GRM5: variants seen among roughly 807,000 people sequenced by gnomAD.
The protein encoded by GRM5 is metabotropic glutamate receptor 5.
GRM5 carries 19 observed loss-of-function variants against 83.1 expected under a neutral mutation model. The ratio of observed to expected loss-of-function variants is 0.23; its 90% CI spans 0.16 to 0.34. GRM5 has a LOEUF of 0.34. Among genes scored for constraint, GRM5 ranks in the 10% least tolerant of loss-of-function variants. GRM5 has a pLI of 1.00. For synonymous variants in GRM5, 675 were observed against 633.6 expected (o/e 1.07, Z -0.98); for missense variants, 1,160 against 1,588.3 (o/e 0.73, Z 4.58).
chr11:88,714,177 A>T (rs949574991), intron 3 of GRM5, among the ~76,000 whole-genome samples: 13 of 152,006 alleles, frequency 8.6e-5, no homozygotes, highest in Non-Finnish European at 1.8e-4. Context: ...ACTTTTGGAG[A>T]AACTTAGAAG....
At chr11:88,559,936 G>T (rs1053993962) in intron 8 of GRM5, among the ~76,000 whole-genome samples, 15 of 152,104 alleles carry the variant, frequency 9.9e-5, no homozygotes, top group Admixed American at 7.9e-4. Flanking sequence ...AGTCTCAGAG[G>T]GCCAGGAGAG....
At chr11:88,889,025 G>A (rs978265981) in intron 2 of GRM5, among the ~76,000 whole-genome samples, 18 of 152,276 alleles carry the variant, frequency 1.2e-4, no homozygotes, top group Middle Eastern at 3.4e-3. Context: ...CAGTTTCTGG[G>A]TAATGGCCAC....
At chr11:88,872,313 T>C (rs1237145400) in intron 2 of GRM5, among the ~76,000 whole-genome samples, 1 of 151,508 alleles carries the variant, frequency 6.6e-6, no homozygotes, top group Non-Finnish European at 1.5e-5. Flanking sequence ...CATCTAAAAA[T>C]TATAATACAA....
intron 3 of GRM5, among the ~76,000 whole-genome samples, chr11:88,731,910 C>G (rs1390268878): frequency 1.3e-5 from 2 of 152,030 alleles, no homozygotes; most frequent in Non-Finnish European, 1.5e-5. Context: ...GTTCCAGCTG[C>G]AGGCTGAGCT....
At chr11:88,737,894 G>C (rs921270924) in intron 3 of GRM5, among the ~76,000 whole-genome samples, 1 of 152,014 alleles carries the variant, frequency 6.6e-6, no homozygotes, top group Non-Finnish European at 1.5e-5. Context: ...TATGAGAGCA[G>C]TTATACAATC....
In GRM5 at chr11:88,597,258, C is replaced by T; in HGVS notation, c.1489G>A (p.Asp497Asn). The stretch of plus-strand genomic sequence containing the variant: ...TTGCTTTTCTTGGACCATACTTCAT[C>T]ATCATCCATTTTTAATTCTCCATTG... ...WDNGELKMDD[D>N]EVWSKKSNII... The change falls in exon 6 of 10, where the codon GAT (aspartate) becomes AAT (asparagine). Residue 497 changes from aspartate (D) to asparagine (N), a missense_variant. By Grantham distance (23) the Asp-to-Asn change is conservative. Around this residue, in one of 9 missense-constraint regions of GRM5, gnomAD observed 30 missense variants for 19.7 expected, o/e 1.52. Transcript: ENST00000305447. 1 of 1,606,884 alleles carries T rather than the reference C, an allele frequency of 6.2e-7. No homozygotes were observed. Among genetic ancestry groups the T allele is most frequent in the Non-Finnish European group, 8.5e-7 (1 of 1,173,820 alleles).
At chr11:88,655,628 A>G (rs1939746845) in intron 3 of GRM5, among the ~76,000 whole-genome samples, 1 of 151,110 alleles carries the variant, frequency 6.6e-6, no homozygotes, top group Non-Finnish European at 1.5e-5. Flanking sequence ...AACTGTCAGG[A>G]TGAGAGTGAT....
chr11:89,054,594 G>A (rs998842406), intron 1 of GRM5, among the ~76,000 whole-genome samples: 8 of 152,118 alleles, frequency 5.3e-5, no homozygotes, highest in Admixed American at 5.2e-4. Flanking sequence ...CCGAGGAAGT[G>A]GAAAGAGAAA....
At chr11:88,860,610 CTTCT>C (rs1012091224) in intron 2 of GRM5, among the ~76,000 whole-genome samples, 13 of 152,146 alleles carry the variant, frequency 8.5e-5, no homozygotes, top group Non-Finnish European at 1.5e-4. Flanking sequence ...AAAAAAGTCG[CTTCT>C]TTGACAGCAG....
chr11:88,843,923 C>T (rs893950872), intron 3 of GRM5, among the ~76,000 whole-genome samples: 1 of 152,130 alleles, frequency 6.6e-6, no homozygotes, highest in Non-Finnish European at 1.5e-5. Flanking sequence ...GAGGAAGTTA[C>T]AGAAGATGTG....
intron 3 of GRM5, among the ~76,000 whole-genome samples, chr11:88,713,620 C>T (rs1373263785): frequency 6.6e-6 from 1 of 151,984 alleles, no homozygotes; most frequent in Non-Finnish European, 1.5e-5. Flanking sequence ...TTTTCTTGTA[C>T]ACTCAAATAT....
intron 3 of GRM5, among the ~76,000 whole-genome samples, chr11:88,713,174 A>C (rs1472225013): frequency 6.6e-6 from 1 of 152,074 alleles, no homozygotes; most frequent in East Asian, 1.9e-4. Context: ...TTAAAAAAAC[A>C]AATATTTATT....
intron 3 of GRM5, among the ~76,000 whole-genome samples, chr11:88,669,854 C>T (rs958698938): frequency 6.6e-6 from 1 of 151,842 alleles, no homozygotes; most frequent in Admixed American, 6.6e-5. Context: ...CTCTTAAAGT[C>T]GATTACAGAT....
intron 2 of GRM5, among the ~76,000 whole-genome samples, chr11:88,871,478 C>A (rs1356567982): frequency 6.6e-6 from 1 of 151,512 alleles, no homozygotes; most frequent in Non-Finnish European, 1.5e-5. Flanking sequence ...ATAACTAGGA[C>A]TGAAAGAAGG....
rs568812189 is a variant in GRM5, at chr11:88,630,374, G to T, written c.1147+22794C>A. On this transcript the variant is annotated intron_variant, in intron 4 of 9. Transcript: ENST00000305447. ...AGTAGTTATTCAATAAGTATTTGCT[G>T]AAGGGATAAATGACTCTTCTAGTTT... Among the ~76,000 whole-genome samples, 9 of 152,216 alleles carry T rather than the reference G, an allele frequency of 5.9e-5. No individual in the cohort carries two copies. The South Asian group carries it at 1.9e-3, about 32-fold the overall frequency.
chr11:88,676,299 T>C (rs1940326310), intron 3 of GRM5, among the ~76,000 whole-genome samples: 2 of 151,970 alleles, frequency 1.3e-5, no homozygotes, highest in Non-Finnish European at 2.9e-5. Flanking sequence ...ATTTATTCAG[T>C]TTCACATGCA....
chr11:88,965,980 T>A lies in GRM5; in HGVS notation c.661+81232A>T, dbSNP rs142584387. ...CCCTCAAGCATACATGAAACTTTCA[T>A]CATGACAGAACACAGAATAGGAAAT... On this transcript the variant is annotated intron_variant, in intron 2 of 9. Coordinates refer to ENST00000305447, the MANE Select transcript of GRM5 (RefSeq NM_001143831.3). Among the ~76,000 whole-genome samples, 159 of 152,252 alleles carry A rather than the reference T, an allele frequency of 1.0e-3. 2 individuals are homozygous for A. In the East Asian group the frequency reaches 0.028, roughly 26 times the overall value.
At chr11:88,890,052 GA>G (rs1480557840) in intron 2 of GRM5, among the ~76,000 whole-genome samples, 6 of 152,100 alleles carry the variant, frequency 3.9e-5, no homozygotes, top group Non-Finnish European at 8.8e-5. Flanking sequence ...CACTTTAAGG[GA>G]TGGCAAATAG....
intron 3 of GRM5, among the ~76,000 whole-genome samples, chr11:88,793,261 T>C (rs553398263): frequency 2.0e-5 from 3 of 152,282 alleles, no homozygotes; most frequent in African/African-American, 7.2e-5. Context: ...AAAGCATATA[T>C]ATGAACTGTA....
Sources: allele counts gnomAD v4.1 joint callset (sites outside exome capture counted in the v4.1 genomes callset), GRCh38; gene constraint gnomAD v4.1.1; regional missense constraint gnomAD v4.1.1; transcripts MANE v1.5; gene names NCBI Gene and HGNC (gene_info 2026-07-23, HGNC 2026-07-21).